The following HSPG2 variants were observed in gnomAD, a reference collection of about 807,000 sequenced individuals.
HSPG2 encodes heparan sulfate proteoglycan 2.
In HSPG2, 278 loss-of-function variants were observed where a neutral mutation model predicts 526.6. That is an observed-to-expected ratio of 0.53 (90% CI 0.48 to 0.58). The LOEUF (loss-of-function observed/expected upper bound fraction) is 0.58, where lower values mean the gene tolerates loss of function less well. Ranked by LOEUF, HSPG2 falls within the 20% of genes least tolerant of loss-of-function variation. The probability of loss-of-function intolerance (pLI) is 0.00; values close to 1 mark genes in which losing one functional copy is unlikely to be tolerated. For missense variants in HSPG2, 5,354 were observed against 6,099.5 expected (o/e 0.88, Z 4.07); for synonymous variants, 2,465 against 2,555.4 (o/e 0.96, Z 1.07).
In HSPG2 at chr1:21,890,007, C is replaced by A; in HGVS notation, c.548G>T (p.Gly183Val). The change falls in exon 6 of 97, where the codon GGA becomes GTA. Residue 183 changes from glycine (G) to valine (V), a missense_variant. Coordinates refer to ENST00000374695, the MANE Select transcript of HSPG2 (RefSeq NM_005529.7). The surrounding 1 kb of genome is among the most constrained non-coding windows in gnomAD (Gnocchi z 4.1). ...SVASYVTSPQ[G>V]FQFRRLGTVP... ...TGTGCCCAGGCGTCGGAACTGGAAT[C>A]CCTGGGGAGAGGTGACGTAGGAGGC... The A allele has an allele frequency of 6.2e-7, 1 of 1,614,062 alleles. No homozygotes were observed. The highest frequency in any genetic ancestry group is 8.5e-7 in the Non-Finnish European group (1 of 1,179,974).
chr1:21,839,494 G>C lies in HSPG2; in HGVS notation c.9766C>G (p.His3256Asp). ...SKLRSPLPWQ[H>D]RLEGDTLIIP... ...ATGAGTGTGTCACCTTCCAGCCGGTGCTGCCAGGGCAGTGGGGAACGCAGC... is the reference window on the plus strand; with the variant it reads ...ATGAGTGTGTCACCTTCCAGCCGGTCCTGCCAGGGCAGTGGGGAACGCAGC... Residue 3256 changes from histidine (H) to aspartate (D), a missense_variant, in exon 73 of 97, where the codon CAC becomes GAC. His to Asp is a moderately conservative substitution (Grantham distance 81). Coordinates refer to ENST00000374695, the MANE Select transcript of HSPG2 (RefSeq NM_005529.7). The surrounding 1 kb of genome is among the most constrained non-coding windows in gnomAD (Gnocchi z 4.5). The C allele has an allele frequency of 6.2e-7, 1 of 1,614,000 alleles. No homozygotes were observed. Among genetic ancestry groups the C allele is most frequent in the Non-Finnish European group, 8.5e-7 (1 of 1,179,948 alleles).
intron 9 of HSPG2, 145 bp from the exon 10 acceptor site, chr1:21,885,596 C>G (rs964793822): frequency 2.1e-6 from 2 of 930,624 alleles, no homozygotes; most frequent in Non-Finnish European, 1.7e-6. Context: ...GTCCAACTCA[C>G]AGCCAGCATG....
Position 21,838,896 on chromosome 1 carries a change from G to A in HSPG2, c.10079C>T (p.Ser3360Leu), listed in dbSNP as rs778225565. The A allele has an allele frequency of 3.4e-5, 55 of 1,612,550 alleles. No individual in the cohort carries two copies. The highest frequency in any genetic ancestry group is 6.7e-5 in the Admixed American group (4 of 59,876). Reference protein sequence around the residue: ...LHFERAAPEDSGRYRCRVTNK... With the variant: ...LHFERAAPEDLGRYRCRVTNK... ...GGTGACCCGGCAGCGGTAGCGGCCT[G>A]AGTCCTCAGGGGCTGCACGCTCAAA... The change falls in exon 74 of 97, where the codon TCA becomes TTA. Residue 3360 changes from serine (S) to leucine (L), a missense_variant. Ser to Leu is a moderately radical substitution (Grantham distance 145). Transcript: ENST00000374695.
At position 21,854,761 on chromosome 1, in the gene HSPG2, T is replaced by C. The variant is rs772082190; in HGVS notation, c.6138A>G (p.Ser2046=). The C allele has an allele frequency of 7.4e-6, 12 of 1,613,476 alleles. No homozygotes were observed. In the East Asian group the frequency reaches 2.5e-4, roughly 33 times the overall value. ...TCTTGACCGGCGGTGGGCTGGCATC[T>C]GAGGCTGGGGCCAGAGTAGGGGTCA... The part of the protein sequence containing the change: ...ARIQVVVLSA[S]DASPPPVKIE... The change falls in exon 49 of 97, where the codon TCA becomes TCG. Residue 2046 remains serine (S), a synonymous_variant. Transcript: ENST00000374695.
chr1:21,842,117 G>A lies in HSPG2; in HGVS notation c.9078C>T (p.Ile3026=), dbSNP rs376461082. 99 of 1,613,600 alleles carry A rather than the reference G, an allele frequency of 6.1e-5. No individual in the cohort carries two copies. The highest frequency in any genetic ancestry group is 8.2e-5 in the Non-Finnish European group (97 of 1,180,030). ...SYRLRSPVIS[I]DPPSSTVQQG... is the part of the protein sequence containing the mutation. ...GCTGCACGGTGCTGCTGGGCGGGTC[G>A]ATGGAGATGACCGGGCTCCTAAGGC... The change falls in exon 69 of 97, where the codon ATC becomes ATT. Residue 3026 remains isoleucine (I), a synonymous_variant. Transcript: ENST00000374695.
Position 21,842,157 on chromosome 1 carries a change from G to A in HSPG2, c.9053-15C>T, listed in dbSNP as rs200012932. 5.6e-6 allele frequency: 9 copies of A among 1,613,486 alleles called. No individual in the cohort carries two copies. The South Asian group carries it at 6.6e-5, about 12-fold the overall frequency. On this transcript the variant is annotated splice_polypyrimidine_tract_variant and intron_variant, in intron 68 of 96. Transcript: ENST00000374695. ...GCTCCTAAGGCCTGGGGCCAAAGGG[G>A]CAGAGGGCTGGGCTCAGCAGGGGTG... is the stretch of plus-strand genomic sequence containing the variant.
chr1:21,863,072 A>AAAAAAAAAC (rs1557740555), intron 37 of HSPG2, among the ~76,000 whole-genome samples: 7 of 137,058 alleles, frequency 5.1e-5, no homozygotes, highest in Admixed American at 7.2e-5. Flanking sequence ...AAAAAAAAAA[A>AAAAAAAAAC]AAAAAAAAAA....
chr1:21,847,611 T>C lies in HSPG2; in HGVS notation c.8025+78A>G. On this transcript the variant is annotated intron_variant, in intron 61 of 96. Transcript: ENST00000374695. This position sits in a 1 kb window ranked among gnomAD's most constrained non-coding sequence, Gnocchi z 4.1. ...TGCTATCGGTCTACCCAGGGCCCAA[T>C]CCGTGAGACAGGGAGCCTGCTCTGC... The C allele has an allele frequency of 6.2e-7, 1 of 1,606,332 alleles. No homozygotes were observed. Among genetic ancestry groups the C allele is most frequent in the Non-Finnish European group, 8.5e-7 (1 of 1,175,456 alleles).
In HSPG2 at chr1:21,828,455, A is replaced by C; in HGVS notation, c.12238-29T>G. The stretch of plus-strand genomic sequence containing the variant: ...TGGGGACAGGGACACCGAGGGACTA[A>C]AGGGGCCTGGGAGGCAGAGACCCAG... On this transcript the variant is annotated intron_variant, in intron 88 of 96. Coordinates refer to ENST00000374695, the MANE Select transcript of HSPG2 (RefSeq NM_005529.7). This position sits in a 1 kb window ranked among gnomAD's most constrained non-coding sequence, Gnocchi z 6.0. 1 of 1,609,646 alleles carries C rather than the reference A, an allele frequency of 6.2e-7. No individual in the cohort carries two copies. Among genetic ancestry groups the C allele is most frequent in the East Asian group, 2.2e-5 (1 of 44,816 alleles).
chr1:21,829,238 A>G (rs2097991162), intron 87 of HSPG2, 145 bp downstream of exon 87: 2 of 1,352,408 alleles, frequency 1.5e-6, no homozygotes, highest in African/African-American at 1.4e-5. Flanking sequence ...GATTGGCCTC[A>G]AGTGACACAG....
rs767115080 is a variant in HSPG2, at chr1:21,839,837, G to A, written c.9694C>T (p.Arg3232Cys). The A allele has an allele frequency of 1.6e-5, 26 of 1,613,542 alleles. No homozygotes were observed. Among genetic ancestry groups the A allele is most frequent in the East Asian group, 8.9e-5 (4 of 44,890 alleles). ...TVEAGHTATL[R>C]CSATGSPAPT... is the part of the protein sequence containing the mutation. ...TTGGTCACACCTGTGGCTGAGCAGC[G>A]CAAGGTGGCCGTGTGTCCAGCCTCC... The change falls in exon 72 of 97, where the codon CGC (arginine) becomes TGC (cysteine). Residue 3232 changes from arginine (R) to cysteine (C), a missense_variant. Coordinates refer to ENST00000374695, the MANE Select transcript of HSPG2 (RefSeq NM_005529.7). The surrounding 1 kb of genome is among the most constrained non-coding windows in gnomAD (Gnocchi z 4.5).
chr1:21,921,500 GCC>G (rs1644037527), intron 1 of HSPG2, among the ~76,000 whole-genome samples: 1 of 152,124 alleles, frequency 6.6e-6, no homozygotes, highest in East Asian at 1.9e-4. Context: ...GTGACTCCAA[GCC>G]CCTGCTTCCC....
chr1:21,836,833 G>T lies in HSPG2; in HGVS notation c.10324C>A (p.Pro3442Thr). Residue 3442 changes from proline to threonine, a missense_variant, in exon 75 of 97, where the codon CCG becomes ACG. Physicochemically the swap from Pro to Thr is conservative, Grantham distance 38 (BLOSUM62 -1). Transcript: ENST00000374695. ...ACCCCATCCTGCACGCTGTGACCCG[G>T]AGGCAGCTGACCCCCTTCCTTGAAC... ...RWFKEGGQLP[P>T]GHSVQDGVLR... 6.3e-7 allele frequency: 1 copy of T among 1,577,498 alleles called. No individual in the cohort carries two copies.
intron 64 of HSPG2, among the ~76,000 whole-genome samples, chr1:21,844,508 A>G (rs896544584): frequency 3.3e-5 from 5 of 152,160 alleles, no homozygotes; most frequent in African/African-American, 1.2e-4. Flanking sequence ...TGGCCCCACC[A>G]TCTCCTCCTC....
At position 21,851,831 on chromosome 1, in the gene HSPG2, C is replaced by A. The variant is rs565594406; in HGVS notation, c.6966G>T (p.Thr2322=). 52 of 1,613,644 alleles carry A rather than the reference C, an allele frequency of 3.2e-5. No individual in the cohort carries two copies. The South Asian group carries it at 5.3e-4, about 16-fold the overall frequency. ...CCCCCTGGGTCCCAGTTACTGTGAC[C>A]GTGATGGAGGCCTCCATGCCGTTGC... The part of the protein sequence containing the change: ...RASNGMEASI[T]VTVTGTQGAN... The change falls in exon 54 of 97, where the codon ACG becomes ACT. Residue 2322 remains threonine (T), a synonymous_variant. Coordinates refer to ENST00000374695, the MANE Select transcript of HSPG2 (RefSeq NM_005529.7).
rs1399527230 is a variant in HSPG2, at chr1:21,824,002, C to T, written c.12899+119G>A. The T allele has an allele frequency of 9.4e-7, 1 of 1,061,988 alleles. No homozygotes were observed. The highest frequency in any genetic ancestry group is 1.6e-5 in the African/African-American group (1 of 63,734). 65.8% of individuals were successfully genotyped at this position (1,061,988 alleles called of 1,614,324 possible). A position where few individuals can be genotyped will look rare whatever the true frequency, so the allele number is the denominator to read the frequency against. ...CCTGGCTGGTGGGTTCTCCCCTCCC[C>T]TGGCTTCAAGTTCTGTCTCCACAGA... On this transcript the variant is annotated intron_variant, in intron 95 of 96. Coordinates refer to ENST00000374695, the MANE Select transcript of HSPG2 (RefSeq NM_005529.7). The surrounding 1 kb of genome is among the most constrained non-coding windows in gnomAD (Gnocchi z 5.9).
intron 69 of HSPG2, 26 bp downstream of exon 69, chr1:21,841,976 C>T (rs747969280): frequency 1.1e-5 from 17 of 1,612,102 alleles, no homozygotes; most frequent in Non-Finnish European, 1.4e-5. Flanking sequence ...CCCCAGCTTG[C>T]CCACCTGCCC....
intron 64 of HSPG2, among the ~76,000 whole-genome samples, chr1:21,845,597 C>T (rs1408737714): frequency 6.6e-6 from 1 of 152,106 alleles, no homozygotes; most frequent in African/African-American, 2.4e-5. Context: ...CCAGACTGGT[C>T]TCGAACTCAT....
At chr1:21,927,480 C>T (rs1445636833) in intron 1 of HSPG2, among the ~76,000 whole-genome samples, 1 of 152,002 alleles carries the variant, frequency 6.6e-6, no homozygotes, top group Non-Finnish European at 1.5e-5. Context: ...CCTGCCTCCT[C>T]CAGTGTAGGC....
Sources: gnomAD v4.1 joint callset for allele counts (sites outside exome capture counted in the v4.1 genomes callset) on GRCh38, gnomAD v4.1.1 for gene constraint, Gnocchi (gnomAD v3.1) non-coding constraint, MANE v1.5 for transcripts, NCBI Gene and HGNC (gene_info 2026-07-23, HGNC 2026-07-21) for gene names.